The following SRRM2 variants were observed in gnomAD, a reference collection of about 807,000 sequenced individuals.
SRRM2 encodes the protein serine/arginine repetitive matrix 2, also known as serine/arginine repetitive matrix protein 2.
In SRRM2, 30 loss-of-function variants were observed where a neutral mutation model predicts 213.8. The observed-to-expected ratio is 0.14, with a 90% CI of 0.10 to 0.19. The LOEUF is 0.19. Among genes scored for constraint, SRRM2 ranks in the 10% least tolerant of loss-of-function variants. The pLI, the probability that SRRM2 is intolerant of heterozygous loss-of-function variation, is 1.00. For missense variants in SRRM2, 4,904 were observed against 3,647.0 expected (o/e 1.34, Z -8.88); for synonymous variants, 2,025 against 1,377.7 (o/e 1.47, Z -10.40).
Position 2,766,640 on chromosome 16 carries a change from C to G in SRRM2, c.6112C>G (p.Pro2038Ala), listed in dbSNP as rs754083305. ...RRSRSRTPLL[P>A]RKRSRSRSPL... is the part of the protein sequence containing the mutation. ...CTCTAGATCTCGAACGCCACTGTTA[C>G]CACGCAAACGTTCTCGAAGTCGCTC... The change falls in exon 11 of 15, where the codon CCA (proline) becomes GCA (alanine). Residue 2038 changes from proline (P) to alanine (A), a missense_variant. Transcript: ENST00000301740. The surrounding 1 kb of genome is among the most constrained non-coding windows in gnomAD (Gnocchi z 7.0). The G allele has an allele frequency of 1.5e-5, 24 of 1,613,510 alleles. No homozygotes were observed. In the East Asian group the frequency reaches 4.7e-4, roughly 31 times the overall value.
At chr16:2,754,862 C>A (rs566515198) in intron 1 of SRRM2, among the ~76,000 whole-genome samples, 1 of 152,240 alleles carries the variant, frequency 6.6e-6, no homozygotes, top group Admixed American at 6.5e-5. Context: ...CTTGCCTTAT[C>A]CAGGTTTAGC....
chr16:2,766,618 T>C lies in SRRM2; in HGVS notation c.6090T>C (p.Ser2030=), dbSNP rs1218677923. 6.2e-7 allele frequency: 1 copy of C among 1,613,438 alleles called. No individual in the cohort carries two copies. Among genetic ancestry groups the C allele is most frequent in the South Asian group, 1.1e-5 (1 of 91,044 alleles). ...CACCTCCAGCTATTCGGCGCCGCTC[T>C]AGATCTCGAACGCCACTGTTACCAC... ...SRTPPAIRRR[S]RSRTPLLPRK... The change falls in exon 11 of 15, where the codon TCT becomes TCC. Residue 2030 remains serine, a synonymous_variant. Transcript: ENST00000301740. The surrounding 1 kb of genome is among the most constrained non-coding windows in gnomAD (Gnocchi z 7.0).
chr16:2,756,495 G>C lies in SRRM2; in HGVS notation c.131G>C (p.Arg44Pro). The change falls in exon 2 of 15, where the codon CGC becomes CCC. Residue 44 changes from arginine (R) to proline (P), a missense_variant. Coordinates refer to ENST00000301740, the MANE Select transcript of SRRM2 (RefSeq NM_016333.4). ...TACAAGGGAGAGGAGGAACTGCGGCGCCTGGAGGCTGCCCTGGTGAAGCGG... is the reference window on the plus strand; with the variant it reads ...TACAAGGGAGAGGAGGAACTGCGGCCCCTGGAGGCTGCCCTGGTGAAGCGG... The part of the protein sequence containing the change: ...PDYKGEEELR[R>P]LEAALVKRPN... 3 of 1,613,996 alleles carry C rather than the reference G, an allele frequency of 1.9e-6. No homozygotes were observed. Among genetic ancestry groups the C allele is most frequent in the Non-Finnish European group, 2.5e-6 (3 of 1,179,966 alleles).
Position 2,762,823 on chromosome 16 carries a change from A to G in SRRM2, c.2295A>G (p.Pro765=), listed in dbSNP as rs966812258. 6.2e-6 allele frequency: 10 copies of G among 1,614,050 alleles called. No homozygotes were observed. The highest frequency in any genetic ancestry group is 6.8e-6 in the Non-Finnish European group (8 of 1,180,044). Reference sequence around the variant, plus strand: ...GGCGGAGCAGGTCTCTCTCTTCACCACGGTCCAAAGCAAAATCTCGCTTGT... The same window carrying G: ...GGCGGAGCAGGTCTCTCTCTTCACCGCGGTCCAAAGCAAAATCTCGCTTGT... ...SSRRSRSLSS[P]RSKAKSRLSL... The change falls in exon 11 of 15, where the codon CCA becomes CCG. Residue 765 remains proline (P), a synonymous_variant. Coordinates refer to ENST00000301740, the MANE Select transcript of SRRM2 (RefSeq NM_016333.4).
intron 13 of SRRM2, 62 bp downstream of exon 13, chr16:2,770,527 AG>A: frequency 6.4e-7 from 1 of 1,561,698 alleles, no homozygotes; most frequent in Admixed American, 1.9e-5. Context: ...TCTACAAAGA[AG>A]AAAGCTTTGC....
In SRRM2 at chr16:2,766,914, G is replaced by A. The variant is rs769713011; in HGVS notation, c.6386G>A (p.Arg2129His). Residue 2129 changes from arginine to histidine, a missense_variant, in exon 11 of 15, where the codon CGC becomes CAC. By Grantham distance (29) the Arg-to-His change is conservative (BLOSUM62 0). Coordinates refer to ENST00000301740, the MANE Select transcript of SRRM2 (RefSeq NM_016333.4). This position sits in a 1 kb window ranked among gnomAD's most constrained non-coding sequence, Gnocchi z 7.0. ...RPSMSPTPLD[R>H]CRSPGMLEPL... The stretch of plus-strand genomic sequence containing the variant: ...AGCATGTCCCCAACACCTCTTGATC[G>A]CTGCAGATCACCTGGAATGCTTGAA... 11 of 1,613,920 alleles carry A rather than the reference G, an allele frequency of 6.8e-6. No homozygotes were observed. The highest frequency in any genetic ancestry group is 6.7e-5 in the African/African-American group (5 of 74,904).
rs577265261 is a variant in SRRM2, at chr16:2,766,349, A to C, written c.5821A>C (p.Thr1941Pro). 1 of 1,614,082 alleles carries C rather than the reference A, an allele frequency of 6.2e-7. No individual in the cohort carries two copies. The highest frequency in any genetic ancestry group is 8.5e-7 in the Non-Finnish European group (1 of 1,179,966). The part of the protein sequence containing the change: ...TRRRSRSRTP[T>P]TRRRSRSRTP... ...CCGTCGTTCAAGGTCTAGAACGCCA[A>C]CAACACGCCGCCGCTCCCGTTCTAG... The change falls in exon 11 of 15, where the codon ACA becomes CCA. Residue 1941 changes from threonine (T) to proline (P), a missense_variant. Physicochemically the swap from Thr to Pro is conservative, Grantham distance 38. Coordinates refer to ENST00000301740, the MANE Select transcript of SRRM2 (RefSeq NM_016333.4). The surrounding 1 kb of genome is among the most constrained non-coding windows in gnomAD (Gnocchi z 7.0).
chr16:2,757,766 CCTT>C lies in SRRM2; in HGVS notation c.351-11_351-9del. 1.9e-6 allele frequency: 3 copies of C among 1,611,818 alleles called. No homozygotes were observed. Among genetic ancestry groups the C allele is most frequent in the Non-Finnish European group, 2.5e-6 (3 of 1,178,690 alleles). ...CTTTATATTTCCTTCAGACTTTTGC[CCTT>C]CTTTTCTCTAGGGTCACGGAGACTC... is the stretch of plus-strand genomic sequence containing the variant. On this transcript the variant is annotated splice_polypyrimidine_tract_variant and intron_variant, in intron 3 of 14. Transcript: ENST00000301740.
In SRRM2 at chr16:2,756,578, G is replaced by A. The variant is rs2150771131; in HGVS notation, c.214G>A (p.Glu72Lys). Residue 72 changes from glutamate (E) to lysine (K), a missense_variant, in exon 2 of 15, where the codon GAG becomes AAG. Glu to Lys is a moderately conservative substitution (Grantham distance 56, BLOSUM62 1). Transcript: ENST00000301740. ...RKRRVELRCLELEEMMEEQGY... is the reference protein window; with the variant it reads ...RKRRVELRCLKLEEMMEEQGY... ...GCGGCGCGTCGAGCTGCGATGCCTCGAGCTGGAGGAGATGATGGAAGAGCA... is the reference window on the plus strand; with the variant it reads ...GCGGCGCGTCGAGCTGCGATGCCTCAAGCTGGAGGAGATGATGGAAGAGCA... 1.2e-6 allele frequency: 2 copies of A among 1,613,628 alleles called. No homozygotes were observed. Among genetic ancestry groups the A allele is most frequent in the Non-Finnish European group, 8.5e-7 (1 of 1,179,760 alleles).
Position 2,767,489 on chromosome 16 carries a change from G to C in SRRM2, c.6961G>C (p.Ala2321Pro). 1 of 1,614,200 alleles carries C rather than the reference G, an allele frequency of 6.2e-7. No homozygotes were observed. The highest frequency in any genetic ancestry group is 1.1e-5 in the South Asian group (1 of 91,086). ...AGGCTCTGGCACACCACCAACTGCT[G>C]CAAACTATCCCTCCAGCTCCAGAAC... is the stretch of plus-strand genomic sequence containing the variant. ...LTGSGTPPTA[A>P]NYPSSSRTPQ... Residue 2321 changes from alanine (A) to proline (P), a missense_variant, in exon 11 of 15, where the codon GCA becomes CCA. Ala to Pro is a conservative substitution (Grantham distance 27). Transcript: ENST00000301740.
intron 7 of SRRM2, 26 bp downstream of exon 7, chr16:2,759,198 GC>G (rs1372122483): frequency 1.2e-6 from 2 of 1,613,358 alleles, no homozygotes; most frequent in African/African-American, 2.7e-5. Context: ...CTCATAGGGG[GC>G]GCAGTGGCAT....
rs1452115640 is a variant in SRRM2, at chr16:2,765,580, A to G, written c.5052A>G (p.Thr1684=). The G allele has an allele frequency of 6.2e-6, 10 of 1,614,036 alleles. No individual in the cohort carries two copies. Among genetic ancestry groups the G allele is most frequent in the Non-Finnish European group, 7.6e-6 (9 of 1,180,028 alleles). ...SSPEPKTKSR[T]PPRRRSSRSS... ...CAGAGCCCAAGACCAAGTCTCGTAC[A>G]CCACCTCGACGTCGCAGCTCTCGAT... Residue 1684 remains threonine, a synonymous_variant, in exon 11 of 15, where the codon ACA becomes ACG. Transcript: ENST00000301740.
intron 1 of SRRM2, among the ~76,000 whole-genome samples, chr16:2,754,174 C>G (rs1438052627): frequency 6.6e-6 from 1 of 152,064 alleles, no homozygotes; most frequent in Admixed American, 6.6e-5. Context: ...TGTCTTAACA[C>G]ACCCCTTAGA....
Position 2,759,672 on chromosome 16 carries a change from G to C in SRRM2, c.833+11G>C, listed in dbSNP as rs753013398. ...TACTTCCCGCAGTCGGTAAGGGGTA[G>C]TCCAGGAGGAAGGGAGGGAGAGGGA... On this transcript the variant is annotated intron_variant, in intron 9 of 14. Transcript: ENST00000301740. 4.3e-6 allele frequency: 7 copies of C among 1,610,894 alleles called. No individual in the cohort carries two copies. Among genetic ancestry groups the C allele is most frequent in the Non-Finnish European group, 1.7e-6 (2 of 1,177,346 alleles).
chr16:2,766,435 A>T lies in SRRM2; in HGVS notation c.5907A>T (p.Arg1969=), dbSNP rs1596287914. 1 of 1,613,768 alleles carries T rather than the reference A, an allele frequency of 6.2e-7. No individual in the cohort carries two copies. The highest frequency in any genetic ancestry group is 1.7e-5 in the Admixed American group (1 of 59,982). ...GGACTCCACCAGTAACCAGGAGGCG[A>T]TCTCGAAGCAGAACTTCGCCTATCA... ...RSRTPPVTRR[R]SRSRTSPITR... is the part of the protein sequence containing the mutation. The change falls in exon 11 of 15, where the codon CGA becomes CGT. Residue 1969 remains arginine, a synonymous_variant. Coordinates refer to ENST00000301740, the MANE Select transcript of SRRM2 (RefSeq NM_016333.4). This position sits in a 1 kb window ranked among gnomAD's most constrained non-coding sequence, Gnocchi z 7.0.
Position 2,763,136 on chromosome 16 carries a change from C to T in SRRM2, c.2608C>T (p.Arg870Trp), listed in dbSNP as rs759070400. 19 of 1,614,060 alleles carry T rather than the reference C, an allele frequency of 1.2e-5. No homozygotes were observed. The highest frequency in any genetic ancestry group is 4.5e-5 in the East Asian group (2 of 44,898). ...ANEQSVTPQRRSCFESSPDPE... is the reference protein window; with the variant it reads ...ANEQSVTPQRWSCFESSPDPE... ...TGAGCAATCTGTAACGCCACAGAGACGGAGCTGTTTTGAATCATCACCTGA... is the reference window on the plus strand; with the variant it reads ...TGAGCAATCTGTAACGCCACAGAGATGGAGCTGTTTTGAATCATCACCTGA... Residue 870 changes from arginine to tryptophan, a missense_variant, in exon 11 of 15, where the codon CGG (arginine) becomes TGG (tryptophan). Physicochemically the swap from Arg to Trp is moderately radical, Grantham distance 101. Transcript: ENST00000301740.
At chr16:2,757,255 G>A (rs1167185588) in intron 2 of SRRM2, among the ~76,000 whole-genome samples, 4 of 152,108 alleles carry the variant, frequency 2.6e-5, no homozygotes, top group African/African-American at 9.7e-5. Flanking sequence ...TGGTCCCTGA[G>A]GTGTAGCATA....
intron 12 of SRRM2, chr16:2,769,721 C>G (rs1312560863): frequency 6.3e-6 from 3 of 476,478 alleles, no homozygotes; most frequent in South Asian, 4.6e-5. Flanking sequence ...TCCCTCCACT[C>G]CACAAATCCT....
Position 2,764,801 on chromosome 16 carries a change from C to T in SRRM2, c.4273C>T (p.Pro1425Ser), listed in dbSNP as rs142291519. The T allele has an allele frequency of 1.2e-6, 2 of 1,614,068 alleles. No homozygotes were observed. Among genetic ancestry groups the T allele is most frequent in the Middle Eastern group, 1.6e-4 (1 of 6,062 alleles). Residue 1425 changes from proline to serine, a missense_variant, in exon 11 of 15, where the codon CCT (proline) becomes TCT (serine). By Grantham distance (74) the Pro-to-Ser change is moderately conservative (BLOSUM62 -1). Transcript: ENST00000301740. The part of the protein sequence containing the change: ...SRERSSSASS[P>S]EMKDGLPRTP... ...AGAAAGAAGTAGTTCTGCATCTTCT[C>T]CTGAAATGAAAGATGGTTTACCCAG...
Sources: allele counts gnomAD v4.1 joint callset (sites outside exome capture counted in the v4.1 genomes callset), GRCh38; gene constraint gnomAD v4.1.1; non-coding constraint Gnocchi (gnomAD v3.1); transcripts MANE v1.5; gene names NCBI Gene and HGNC (gene_info 2026-07-23, HGNC 2026-07-21).